The following SLIT2 variants were observed in gnomAD, a reference collection of about 807,000 sequenced individuals.
SLIT2 encodes slit guidance ligand 2.
Under a neutral mutation model 185.7 loss-of-function variants are expected in SLIT2, and 41 were observed. That is an observed-to-expected ratio of 0.22 (90% CI 0.17 to 0.29). The LOEUF is 0.29. Ranked by LOEUF, SLIT2 falls within the 10% of genes least tolerant of loss-of-function variation. The probability of loss-of-function intolerance (pLI) is 1.00; values close to 1 mark genes in which losing one functional copy is unlikely to be tolerated. For missense variants in SLIT2, 1,571 were observed against 1,909.0 expected (o/e 0.82, Z 3.30); for synonymous variants, 693 against 680.2 (o/e 1.02, Z -0.29).
intron 19 of SLIT2, among the ~76,000 whole-genome samples, chr4:20,539,925 G>T (rs552031602): frequency 6.6e-6 from 1 of 151,994 alleles, no homozygotes. Context: ...TCTCACATTG[G>T]AGTATTTTCA....
At chr4:20,510,658 GT>G in intron 10 of SLIT2, 92 bp downstream of exon 10, 1 of 712,962 alleles carries the variant, frequency 1.4e-6, no homozygotes. Flanking sequence ...GTATATAAGT[GT>G]TTGACAGCTT....
intron 33 of SLIT2, among the ~76,000 whole-genome samples, chr4:20,603,521 C>T (rs1405569278): frequency 6.6e-6 from 1 of 152,140 alleles, no homozygotes; most frequent in African/African-American, 2.4e-5. Context: ...TCTAGAAAAA[C>T]ATAAACTTTT....
chr4:20,533,117 G>T (rs1721949987), intron 17 of SLIT2, among the ~76,000 whole-genome samples: 1 of 152,132 alleles, frequency 6.6e-6, no homozygotes, highest in Non-Finnish European at 1.5e-5. Flanking sequence ...ACATTCTTCT[G>T]GGAATAAACC....
chr4:20,301,675 A>T (rs1027914154), intron 4 of SLIT2, among the ~76,000 whole-genome samples: 1 of 152,158 alleles, frequency 6.6e-6, no homozygotes, highest in African/African-American at 2.4e-5. Flanking sequence ...TCTTTAGACT[A>T]ATGAGATATT....
intron 28 of SLIT2, among the ~76,000 whole-genome samples, chr4:20,568,494 T>A (rs1183743495): frequency 6.6e-6 from 1 of 151,976 alleles, no homozygotes; most frequent in Non-Finnish European, 1.5e-5. Flanking sequence ...TCCTCTTCAT[T>A]TATGAGCAAA....
rs113219215 is a variant in SLIT2, at chr4:20,288,657, C to G, written c.395+19776C>G. Reference sequence around the variant, plus strand: ...ACGGCTATGGTTAATGGATTACCTGCAAATAAATGACACCTGTCCAAATCT... The same window carrying G: ...ACGGCTATGGTTAATGGATTACCTGGAAATAAATGACACCTGTCCAAATCT... On this transcript the variant is annotated intron_variant, in intron 4 of 36. Transcript: ENST00000504154. 8.0e-3 allele frequency among the ~76,000 whole-genome samples: 1,214 copies of G among 152,284 alleles called. 16 individuals carry two copies. Among genetic ancestry groups the G allele is most frequent in the Non-Finnish European group, 8.4e-3 (572 of 68,018 alleles).
In SLIT2 at chr4:20,532,010, T is replaced by C; in HGVS notation, c.1640T>C (p.Val547Ala). The change falls in exon 17 of 37, where the codon GTG becomes GCG. Residue 547 changes from valine (V) to alanine (A), a missense_variant. Val to Ala is a moderately conservative substitution (Grantham distance 64). Around this residue, in one of 3 missense-constraint regions of SLIT2, gnomAD observed 1,202 missense variants for 1,416.4 expected, o/e 0.85. Transcript: ENST00000504154. Reference protein sequence around the residue: ...ELRLNNNEFTVLEATGIFKKL... With the variant: ...ELRLNNNEFTALEATGIFKKL... Reference sequence around the variant, plus strand: ...CGTCTCAATAATAATGAATTTACCGTGTTGGAAGCCACAGGAATCTTTAAG... The same window carrying C: ...CGTCTCAATAATAATGAATTTACCGCGTTGGAAGCCACAGGAATCTTTAAG... 1 of 1,581,120 alleles carries C rather than the reference T, an allele frequency of 6.3e-7. No individual in the cohort carries two copies. The highest frequency in any genetic ancestry group is 1.2e-5 in the South Asian group (1 of 83,314).
chr4:20,545,947 A>T, intron 21 of SLIT2, 84 bp from the exon 22 acceptor site: 1 of 641,850 alleles, frequency 1.6e-6, no homozygotes, highest in Non-Finnish European at 2.6e-6. Context: ...TCCTTGCCTC[A>T]GTTAAGAGTG....
intron 33 of SLIT2, among the ~76,000 whole-genome samples, chr4:20,605,187 GT>G (rs1379707218): frequency 6.6e-6 from 1 of 151,312 alleles, no homozygotes; most frequent in Non-Finnish European, 1.5e-5. Context: ...AGGAAAAACA[GT>G]CTTTTATTAA....
intron 4 of SLIT2, among the ~76,000 whole-genome samples, chr4:20,364,979 C>T (rs1722999823): frequency 6.6e-6 from 1 of 152,086 alleles, no homozygotes; most frequent in African/African-American, 2.4e-5. Context: ...CAAATAAAAT[C>T]ATACTCCTTA....
At position 20,389,509 on chromosome 4, in the gene SLIT2, G is replaced by A. The variant is rs546494771; in HGVS notation, c.396-78243G>A. Among the ~76,000 whole-genome samples the A allele has an allele frequency of 5.7e-4, 87 of 151,974 alleles. No homozygotes were observed. The South Asian group carries it at 0.015, about 25-fold the overall frequency. On this transcript the variant is annotated intron_variant, in intron 4 of 36. Coordinates refer to ENST00000504154, the MANE Select transcript of SLIT2 (RefSeq NM_004787.4). ...TAATGTATAATGGGACATTTAAAGA[G>A]AGTGAGAAATTAAGTTGTTATGTGT...
intron 18 of SLIT2, 47 bp from the exon 19 acceptor site, chr4:20,539,394 T>G: frequency 6.4e-7 from 1 of 1,563,116 alleles, no homozygotes; most frequent in Non-Finnish European, 8.7e-7. Flanking sequence ...GCAAAATTGA[T>G]TGCCTGATGC....
At chr4:20,266,561 C>T (rs1406782562) in intron 3 of SLIT2, among the ~76,000 whole-genome samples, 1 of 151,952 alleles carries the variant, frequency 6.6e-6, no homozygotes, top group African/African-American at 2.4e-5. Flanking sequence ...AATCTGTTCT[C>T]ATTCAGCATT....
intron 36 of SLIT2, among the ~76,000 whole-genome samples, chr4:20,618,565 A>G (rs1729855997): frequency 6.6e-6 from 1 of 152,218 alleles, no homozygotes; most frequent in African/African-American, 2.4e-5. Context: ...TATACTCTAC[A>G]TAATAGCATT....
At chr4:20,506,262 C>A (rs1719196820) in intron 9 of SLIT2, among the ~76,000 whole-genome samples, 1 of 151,994 alleles carries the variant, frequency 6.6e-6, no homozygotes, top group South Asian at 2.1e-4. Context: ...TACTTTGAAA[C>A]TCAAGATATT....
At chr4:20,608,572 T>C (rs1728962010) in intron 33 of SLIT2, among the ~76,000 whole-genome samples, 1 of 152,176 alleles carries the variant, frequency 6.6e-6, no homozygotes, top group African/African-American at 2.4e-5. Context: ...AGACAGGCTA[T>C]CAAAGATTCC....
chr4:20,272,666 A>G (rs1169924038), intron 4 of SLIT2, among the ~76,000 whole-genome samples: 1 of 152,070 alleles, frequency 6.6e-6, no homozygotes, highest in African/African-American at 2.4e-5. Flanking sequence ...TTCTTTGAGT[A>G]TATTATATTT....
chr4:20,425,265 G>A (rs1432359495), intron 4 of SLIT2, among the ~76,000 whole-genome samples: 1 of 151,718 alleles, frequency 6.6e-6, no homozygotes, highest in African/African-American at 2.4e-5. Context: ...TTGTATTTTT[G>A]CAGAGTTATT....
chr4:20,569,072 T>TTATA, intron 29 of SLIT2, 68 bp downstream of exon 29: 1 of 1,280,022 alleles, frequency 7.8e-7, no homozygotes, highest in South Asian at 1.2e-5. Flanking sequence ...TGGAACTATG[T>TTATA]TATATATGTT....
Sources: allele counts gnomAD v4.1 joint callset (sites outside exome capture counted in the v4.1 genomes callset), GRCh38; gene constraint gnomAD v4.1.1; regional missense constraint gnomAD v4.1.1; transcripts MANE v1.5; gene names NCBI Gene and HGNC (gene_info 2026-07-23, HGNC 2026-07-21).